Variants in KIRREL3 observed in about 807,000 individuals in gnomAD.
KIRREL3 encodes the protein kin of IRRE-like protein 3.
KIRREL3 carries 36 observed loss-of-function variants against 89.7 expected under a neutral mutation model. The ratio of observed to expected loss-of-function variants is 0.40; its 90% confidence interval spans 0.31 to 0.53. The LOEUF (loss-of-function observed/expected upper bound fraction) is 0.53. Among genes scored for constraint, KIRREL3 ranks in the 20% least tolerant of loss-of-function variants. The pLI is 0.49. For synonymous variants in KIRREL3, 445 were observed against 441.4 expected (o/e 1.01, Z -0.10); for missense variants, 864 against 1,056.6 (o/e 0.82, Z 2.53).
In KIRREL3 at chr11:126,848,401, T is replaced by G. The variant is rs577028200; in HGVS notation, c.55+152054A>C. 1.7e-4 allele frequency among the ~76,000 whole-genome samples: 26 copies of G among 152,316 alleles called. No homozygotes were observed. The South Asian group carries it at 5.4e-3, about 32-fold the overall frequency. ...TGTTTCAAGAACTATGGTATACCTG[T>G]TATTAAATTCCAGTCTCATCAGTTG... On this transcript the variant is annotated intron_variant, in intron 1 of 16. Transcript: ENST00000525144.
At position 126,890,277 on chromosome 11, in the gene KIRREL3, C is replaced by A. The variant is rs549435977; in HGVS notation, c.55+110178G>T. ...GCAGCCTTCCGAGAGTGCCTCATAC[C>A]TAAGACAGTCAGCCCTGACCAGCAA... On this transcript the variant is annotated intron_variant, in intron 1 of 16. Transcript: ENST00000525144. The surrounding 1 kb of genome is among the most constrained non-coding windows in gnomAD (Gnocchi z 5.1). 3.1e-4 allele frequency among the ~76,000 whole-genome samples: 47 copies of A among 152,282 alleles called. No homozygotes were observed. The highest frequency in any genetic ancestry group is 1.0e-3 in the African/African-American group (42 of 41,546).
rs141148274 is a variant in KIRREL3, at chr11:126,444,828, G to C, written c.1252+151C>G. 5.2e-3 allele frequency: 5,183 copies of C among 991,972 alleles called. 37 individuals are homozygous for C. The highest frequency in any genetic ancestry group is 4.8e-3 in the Non-Finnish European group (3,314 of 687,504). 61.4% of individuals were successfully genotyped at this position (991,972 alleles called of 1,614,324 possible). A position where few individuals can be genotyped will look rare whatever the true frequency, so the allele number is the denominator to read the frequency against. On this transcript the variant is annotated intron_variant, in intron 10 of 16. Coordinates refer to ENST00000525144, the MANE Select transcript of KIRREL3 (RefSeq NM_032531.4). Reference sequence around the variant, plus strand: ...CAGCCTGGGTCTGACGGGGAATCCAGGAGGTGGACCTAATTGTTGTCTACC... The same window carrying C: ...CAGCCTGGGTCTGACGGGGAATCCACGAGGTGGACCTAATTGTTGTCTACC...
chr11:126,565,464 T>C lies in KIRREL3; in HGVS notation c.56-2552A>G, dbSNP rs564497538. 1.3e-5 allele frequency among the ~76,000 whole-genome samples: 2 copies of C among 152,368 alleles called. No homozygotes were observed. The highest frequency in any genetic ancestry group is 2.1e-4 in the South Asian group (1 of 4,832). ...GCAATTTCTCAATGTATTTGGCTCA[T>C]TTAATTTGACACGCGTGGGTTAGTC... On this transcript the variant is annotated intron_variant, in intron 1 of 16. Transcript: ENST00000525144. The surrounding 1 kb of genome is among the most constrained non-coding windows in gnomAD (Gnocchi z 5.4).
rs576730163 is a variant in KIRREL3, at chr11:126,764,337, G to GA, written c.56-201426dup. Among the ~76,000 whole-genome samples, 45 of 149,094 alleles carry GA rather than the reference G, an allele frequency of 3.0e-4. No individual in the cohort carries two copies. The highest frequency in any genetic ancestry group is 1.2e-3 in the Admixed American group (18 of 14,926). On this transcript the variant is annotated intron_variant, in intron 1 of 16. Transcript: ENST00000525144. This position sits in a 1 kb window ranked among gnomAD's most constrained non-coding sequence, Gnocchi z 4.2. ...CCTCTTTCTTAGCTAGATACAGATG[G>GA]AAAAAAAAAATGACAGCATTGGGCT...
At chr11:126,434,639 T>C (rs1955250609) in intron 13 of KIRREL3, among the ~76,000 whole-genome samples, 1 of 152,196 alleles carries the variant, frequency 6.6e-6, no homozygotes, top group African/African-American at 2.4e-5. Flanking sequence ...TTCTCTTTTC[T>C]GGTTTTCTGC....
chr11:126,635,279 G>T lies in KIRREL3; in HGVS notation c.56-72367C>A, dbSNP rs768688250. Reference sequence around the variant, plus strand: ...GGGGTGCCAGGTGCTTCCCTCCAAGGCAGAAGGTAACCCCTCCCAGTCCAG... The same window carrying T: ...GGGGTGCCAGGTGCTTCCCTCCAAGTCAGAAGGTAACCCCTCCCAGTCCAG... On this transcript the variant is annotated intron_variant, in intron 1 of 16. Transcript: ENST00000525144. This position sits in a 1 kb window ranked among gnomAD's most constrained non-coding sequence, Gnocchi z 4.0. Among the ~76,000 whole-genome samples, 2 of 152,180 alleles carry T rather than the reference G, an allele frequency of 1.3e-5. No homozygotes were observed. The highest frequency in any genetic ancestry group is 2.9e-5 in the Non-Finnish European group (2 of 68,024).
In KIRREL3 at chr11:126,489,625, T is replaced by A. The variant is rs1017732835; in HGVS notation, c.434-16159A>T. 6.6e-6 allele frequency among the ~76,000 whole-genome samples: 1 copy of A among 152,150 alleles called. No individual in the cohort carries two copies. The highest frequency in any genetic ancestry group is 2.4e-5 in the African/African-American group (1 of 41,424). On this transcript the variant is annotated intron_variant, in intron 4 of 16. Transcript: ENST00000525144. The surrounding 1 kb of genome is among the most constrained non-coding windows in gnomAD (Gnocchi z 5.5). ...ATAAGTTTGGACCCAGGACAGCTGGTGTCCCCTGGCTTTCCTGAGACCTTG... is the reference window on the plus strand; with the variant it reads ...ATAAGTTTGGACCCAGGACAGCTGGAGTCCCCTGGCTTTCCTGAGACCTTG...
chr11:126,793,801 G>A (rs2134367267), intron 1 of KIRREL3, among the ~76,000 whole-genome samples: 1 of 152,342 alleles, frequency 6.6e-6, no homozygotes, highest in Middle Eastern at 3.4e-3. Flanking sequence ...TAAGGAACAG[G>A]CAGAGGTGAA....
At chr11:126,757,142 C>A (rs1344625040) in intron 1 of KIRREL3, among the ~76,000 whole-genome samples, 1 of 152,156 alleles carries the variant, frequency 6.6e-6, no homozygotes. Flanking sequence ...ATTCCATCTC[C>A]ATTTCATGGA....
rs961903674 is a variant in KIRREL3 at position 126,685,843 on chromosome 11, C to T, written c.56-122931G>A. Among the ~76,000 whole-genome samples, 4 of 152,342 alleles carry T rather than the reference C, an allele frequency of 2.6e-5. No individual in the cohort carries two copies. Among genetic ancestry groups the T allele is most frequent in the East Asian group, 1.9e-4 (1 of 5,180 alleles). On this transcript the variant is annotated intron_variant, in intron 1 of 16. Coordinates refer to ENST00000525144, the MANE Select transcript of KIRREL3 (RefSeq NM_032531.4). The surrounding 1 kb of genome is among the most constrained non-coding windows in gnomAD (Gnocchi z 5.5). ...TCCACGCCCCTTGGGGGCAGATGGC[C>T]GACCCACTGGATCGGGGCCACTGGA...
At chr11:126,853,105 C>T (rs1464588989) in intron 1 of KIRREL3, among the ~76,000 whole-genome samples, 1 of 152,062 alleles carries the variant, frequency 6.6e-6, no homozygotes. Flanking sequence ...AAAAATACTT[C>T]CTTTTTCCAA....
intron 1 of KIRREL3, among the ~76,000 whole-genome samples, chr11:126,582,539 C>T (rs895252623): frequency 6.6e-6 from 1 of 152,208 alleles, no homozygotes; most frequent in Non-Finnish European, 1.5e-5. Context: ...TGCCCATTTA[C>T]CTCCCCAGTC....
At chr11:126,461,330 G>C (rs941246212) in intron 6 of KIRREL3, among the ~76,000 whole-genome samples, 5 of 152,260 alleles carry the variant, frequency 3.3e-5, no homozygotes, top group African/African-American at 1.2e-4. Flanking sequence ...GCCAGTGAGG[G>C]GGAAGAGCCG....
At chr11:126,577,348 G>C (rs925231659) in intron 1 of KIRREL3, among the ~76,000 whole-genome samples, 2 of 152,006 alleles carry the variant, frequency 1.3e-5, no homozygotes, top group Non-Finnish European at 2.9e-5. Flanking sequence ...CAAAACCCAG[G>C]GAATACCAGG....
In KIRREL3 at chr11:126,622,752, T is replaced by C. The variant is rs1943625637; in HGVS notation, c.56-59840A>G. 6.6e-6 allele frequency among the ~76,000 whole-genome samples: 1 copy of C among 152,204 alleles called. No individual in the cohort carries two copies. The highest frequency in any genetic ancestry group is 1.5e-5 in the Non-Finnish European group (1 of 68,040). The stretch of plus-strand genomic sequence containing the variant: ...CAGTGGAGACTAGATTCTTGACTAC[T>C]AGGAACTCAAACTCTAAAAGGAGAA... On this transcript the variant is annotated intron_variant, in intron 1 of 16. Coordinates refer to ENST00000525144, the MANE Select transcript of KIRREL3 (RefSeq NM_032531.4). This position sits in a 1 kb window ranked among gnomAD's most constrained non-coding sequence, Gnocchi z 5.2.
At chr11:126,482,035 TTTTA>T (rs1487452277) in intron 4 of KIRREL3, among the ~76,000 whole-genome samples, 6 of 152,332 alleles carry the variant, frequency 3.9e-5, no homozygotes, top group African/African-American at 1.2e-4. Context: ...CCTTTCCATT[TTTTA>T]TTTATTTATC....
chr11:126,910,560 G>A (rs1415090535), intron 1 of KIRREL3, among the ~76,000 whole-genome samples: 1 of 152,168 alleles, frequency 6.6e-6, no homozygotes, highest in Non-Finnish European at 1.5e-5. Context: ...CGTGTTGAGG[G>A]ATTTTCATAA....
Position 126,769,005 on chromosome 11 carries a change from C to T in KIRREL3, c.56-206093G>A, listed in dbSNP as rs1187923512. Among the ~76,000 whole-genome samples the T allele has an allele frequency of 1.3e-5, 2 of 152,196 alleles. No individual in the cohort carries two copies. The highest frequency in any genetic ancestry group is 2.9e-5 in the Non-Finnish European group (2 of 68,038). On this transcript the variant is annotated intron_variant, in intron 1 of 16. Transcript: ENST00000525144. The surrounding 1 kb of genome is among the most constrained non-coding windows in gnomAD (Gnocchi z 4.3). ...CACGACTTGCAGTTTCCCAAATACA[C>T]ATTTCCGCAGCACATTTCCATGCCT...
rs77966153 is a variant in KIRREL3, at chr11:126,669,254, G to T, written c.56-106342C>A. On this transcript the variant is annotated intron_variant, in intron 1 of 16. Coordinates refer to ENST00000525144, the MANE Select transcript of KIRREL3 (RefSeq NM_032531.4). The surrounding 1 kb of genome is among the most constrained non-coding windows in gnomAD (Gnocchi z 5.0). ...CCATTGAACAGATGAAAATAAAAGG[G>T]GTCTCTAGATCTGGGATCCTGGCAC... Among the ~76,000 whole-genome samples, 2 of 152,050 alleles carry T rather than the reference G, an allele frequency of 1.3e-5. No homozygotes were observed. Among genetic ancestry groups the T allele is most frequent in the African/African-American group, 4.8e-5 (2 of 41,368 alleles).
Sources: gnomAD v4.1 joint callset for allele counts (sites outside exome capture counted in the v4.1 genomes callset) on GRCh38, gnomAD v4.1.1 for gene constraint, Gnocchi (gnomAD v3.1) non-coding constraint, MANE v1.5 for transcripts, NCBI Gene and HGNC (gene_info 2026-07-23, HGNC 2026-07-21) for gene names.